The following UBE2W variants were observed in gnomAD, a reference collection of about 807,000 sequenced individuals.
The protein encoded by UBE2W is ubiquitin-conjugating enzyme E2 W.
A neutral mutation model predicts 27.2 loss-of-function variants in UBE2W; 18 were observed. The ratio of observed to expected loss-of-function variants is 0.66; its 90% confidence interval spans 0.46 to 0.98. UBE2W has a LOEUF of 0.98. Ranked by LOEUF, UBE2W falls within the 50% of genes least tolerant of loss-of-function variation. UBE2W has a pLI of 0.00. For missense variants in UBE2W, 90 were observed against 180.2 expected, an observed-to-expected ratio of 0.50 and a Z score of 2.87; for synonymous variants, 53 against 57.2, an observed-to-expected ratio of 0.93 and a Z score of 0.33.
In UBE2W at chr8:73,787,769, C is replaced by A; in HGVS notation, c.*6333G>T. 1.0e-6 allele frequency: 1 copy of A among 985,394 alleles called. No homozygotes were observed. 61.0% of individuals were successfully genotyped at this position (985,394 alleles called of 1,614,324 possible). A position where few individuals can be genotyped will look rare whatever the true frequency, so the allele number is the denominator to read the frequency against. ...ATACTCCAGAAAGCATCCAGAAGTT[C>A]TTAGAGTATGCCCTTAATTGTACAA... is the stretch of plus-strand genomic sequence containing the variant. On this transcript the variant is annotated 3_prime_UTR_variant, in exon 6 of 6. Coordinates refer to ENST00000602593, the MANE Select transcript of UBE2W (RefSeq NM_018299.6).
In UBE2W at chr8:73,793,676, A is replaced by C. The variant is rs894816714; in HGVS notation, c.*426T>G. The C allele has an allele frequency of 4.0e-6, 4 of 989,322 alleles. No individual in the cohort carries two copies. In the African/African-American group the frequency reaches 7.0e-5, roughly 17 times the overall value. The allele number at this position is 989,322 out of a possible 1,614,324, so 61.3% of individuals were successfully genotyped here. ...CCACTATAACCAGTAAGTTCATTTC[A>C]TAGGCCCTATCATGCATTAATCATT... On this transcript the variant is annotated 3_prime_UTR_variant, in exon 6 of 6. Coordinates refer to ENST00000602593, the MANE Select transcript of UBE2W (RefSeq NM_018299.6).
intron 1 of UBE2W, among the ~76,000 whole-genome samples, chr8:73,840,795 T>C (rs1810506490): frequency 6.6e-6 from 1 of 152,136 alleles, no homozygotes; most frequent in South Asian, 2.1e-4. Flanking sequence ...TACATAGAAA[T>C]GGACACACAG....
chr8:73,791,146 C>G lies in UBE2W; in HGVS notation c.*2956G>C. ...GATAAATTATATATTACAAGTAAGT[C>G]CTTCAGAAGTGAATATTAATTCCTT... On this transcript the variant is annotated 3_prime_UTR_variant, in exon 6 of 6. Transcript: ENST00000602593. 5.1e-6 allele frequency: 5 copies of G among 983,346 alleles called. No individual in the cohort carries two copies. The highest frequency in any genetic ancestry group is 6.0e-6 in the Non-Finnish European group (5 of 828,402). The allele number at this position is 983,346 out of a possible 1,614,324, so 60.9% of individuals were successfully genotyped here. A position where few individuals can be genotyped will look rare whatever the true frequency, so the allele number is the denominator to read the frequency against.
chr8:73,793,585 A>C lies in UBE2W; in HGVS notation c.*517T>G. 1.0e-6 allele frequency: 1 copy of C among 986,100 alleles called. No individual in the cohort carries two copies. The highest frequency in any genetic ancestry group is 1.2e-6 in the Non-Finnish European group (1 of 830,096). The allele number at this position is 986,100 out of a possible 1,614,324, so 61.1% of individuals were successfully genotyped here. A position where few individuals can be genotyped will look rare whatever the true frequency, so the allele number is the denominator to read the frequency against. ...TTAACCTTAGGATCACAGTGCATAG[A>C]ATCCAAATATAAACAGTTGGGGTGA... On this transcript the variant is annotated 3_prime_UTR_variant, in exon 6 of 6. Transcript: ENST00000602593.
intron 1 of UBE2W, among the ~76,000 whole-genome samples, chr8:73,863,261 A>G (rs1475155045): frequency 6.9e-6 from 1 of 144,734 alleles, no homozygotes. Context: ...AAAAATGATG[A>G]GTTCATGTCC....
At chr8:73,835,470 C>T (rs550242771) in intron 1 of UBE2W, among the ~76,000 whole-genome samples, 3 of 152,242 alleles carry the variant, frequency 2.0e-5, no homozygotes, top group South Asian at 2.1e-4. Context: ...TGGCCGGGTG[C>T]GATGGCTCAT....
At chr8:73,857,689 G>A (rs947686124) in intron 1 of UBE2W, among the ~76,000 whole-genome samples, 12 of 152,016 alleles carry the variant, frequency 7.9e-5, no homozygotes, top group Admixed American at 2.0e-4. Flanking sequence ...GGTGGCAGAC[G>A]CCTGTAGTCC....
chr8:73,874,752 T>A (rs1812147287), intron 1 of UBE2W, among the ~76,000 whole-genome samples: 1 of 152,244 alleles, frequency 6.6e-6, no homozygotes, highest in African/African-American at 2.4e-5. Context: ...TCACCACAAA[T>A]ATAACATTCT....
chr8:73,808,442 A>C (rs1809010741), intron 4 of UBE2W, among the ~76,000 whole-genome samples: 1 of 152,168 alleles, frequency 6.6e-6, no homozygotes, highest in Non-Finnish European at 1.5e-5. Flanking sequence ...CATTTTGCCT[A>C]GGCTGCTCTT....
intron 1 of UBE2W, among the ~76,000 whole-genome samples, chr8:73,856,361 T>TTG (rs1328806125): frequency 1.5e-5 from 2 of 134,796 alleles, no homozygotes; most frequent in African/African-American, 5.5e-5. Context: ...TTATGAATTT[T>TTG]TTTTTTTTTT....
downstream of UBE2W, among the ~76,000 whole-genome samples, chr8:73,782,884 AC>A (rs1366650886): frequency 2.6e-5 from 4 of 152,170 alleles, no homozygotes; most frequent in African/African-American, 4.8e-5. Flanking sequence ...CTAAATTCCC[AC>A]CTGCAGTGTA....
chr8:73,872,915 T>TC (rs1244207100), intron 1 of UBE2W, among the ~76,000 whole-genome samples: 18 of 150,430 alleles, frequency 1.2e-4, no homozygotes, highest in South Asian at 6.3e-4. Flanking sequence ...TTTTTTTTTT[T>TC]GTTTTAGCTG....
Position 73,789,149 on chromosome 8 carries a change from T to C in UBE2W, c.*4953A>G, listed in dbSNP as rs1808083893. 4 of 984,606 alleles carry C rather than the reference T, an allele frequency of 4.1e-6. No homozygotes were observed. Among genetic ancestry groups the C allele is most frequent in the East Asian group, 2.3e-4 (2 of 8,806 alleles). 61.0% of individuals were successfully genotyped at this position (984,606 alleles called of 1,614,324 possible). On this transcript the variant is annotated 3_prime_UTR_variant, in exon 6 of 6. Transcript: ENST00000602593. ...ATGTCTAGATTCTATGTGCCTCTAA[T>C]GATAATGATGTACATAAACCTGTCT...
intron 1 of UBE2W, among the ~76,000 whole-genome samples, chr8:73,864,780 A>C (rs1811681067): frequency 7.4e-6 from 1 of 135,554 alleles, no homozygotes; most frequent in African/African-American, 3.3e-5. Context: ...GGCTGAGGGG[A>C]TATTTTTAGC....
At chr8:73,805,472 C>CAAAAAAAAAAACAAAACAAAA in intron 5 of UBE2W, among the ~76,000 whole-genome samples, 179 bp downstream of exon 5, 4 of 43,676 alleles carry the variant, frequency 9.2e-5, no homozygotes, top group Non-Finnish European at 1.5e-4. Context: ...AAAAAAAAAA[C>CAAAAAAAAAAACAAAACAAAA]AAAAAAAACT....
chr8:73,829,575 ATTTT>A (rs67006934), intron 2 of UBE2W, among the ~76,000 whole-genome samples: 1 of 148,180 alleles, frequency 6.7e-6, no homozygotes, highest in Non-Finnish European at 1.5e-5. Flanking sequence ...TGTGTATTAC[ATTTT>A]TTTTTTTTTC....
intron 3 of UBE2W, among the ~76,000 whole-genome samples, chr8:73,812,879 C>T (rs868752193): frequency 5.3e-5 from 8 of 151,666 alleles, no homozygotes; most frequent in African/African-American, 1.9e-4. Context: ...GTGGCACGTG[C>T]CTGTCATTCC....
At chr8:73,781,842 T>C (rs920472215), downstream of UBE2W, among the ~76,000 whole-genome samples, 1 of 151,994 alleles carries the variant, frequency 6.6e-6, no homozygotes, top group South Asian at 2.1e-4. Flanking sequence ...TGTGTGATTT[T>C]GGACAATTTG....
chr8:73,788,636 C>A lies in UBE2W; in HGVS notation c.*5466G>T, dbSNP rs547434522. 1.0e-6 allele frequency: 1 copy of A among 985,278 alleles called. No individual in the cohort carries two copies. The highest frequency in any genetic ancestry group is 1.1e-4 in the East Asian group (1 of 8,820). 61.0% of individuals were successfully genotyped at this position (985,278 alleles called of 1,614,324 possible). A position where few individuals can be genotyped will look rare whatever the true frequency, so the allele number is the denominator to read the frequency against. On this transcript the variant is annotated 3_prime_UTR_variant, in exon 6 of 6. Coordinates refer to ENST00000602593, the MANE Select transcript of UBE2W (RefSeq NM_018299.6). Reference sequence around the variant, plus strand: ...TGTAAGTTTCAGGCTTCAAAAGAGGCAGGATTATTAAATCTTTCCATACAC... The same window carrying A: ...TGTAAGTTTCAGGCTTCAAAAGAGGAAGGATTATTAAATCTTTCCATACAC...
Sources: gnomAD v4.1 joint callset for allele counts (sites outside exome capture counted in the v4.1 genomes callset) on GRCh38, gnomAD v4.1.1 for gene constraint, MANE v1.5 for transcripts, NCBI Gene and HGNC (gene_info 2026-07-23, HGNC 2026-07-21) for gene names.